DAB1: variants seen among roughly 807,000 people sequenced by gnomAD.
DAB1 encodes the protein DAB adaptor protein 1.
Under a neutral mutation model 64.6 loss-of-function variants are expected in DAB1, and 15 were observed. The observed-to-expected ratio is 0.23, with a 90% CI of 0.16 to 0.36. The LOEUF (loss-of-function observed/expected upper bound fraction) is 0.36. Ranked by LOEUF, DAB1 falls within the 10% of genes least tolerant of loss-of-function variation. The pLI, the probability that DAB1 is intolerant of heterozygous loss-of-function variation, is 1.00. For missense variants in DAB1, 596 were observed against 706.7 expected (o/e 0.84, Z 1.78); for synonymous variants, 235 against 251.9 (o/e 0.93, Z 0.64).
At chr1:57,008,908 C>T (rs1193449538) in intron 14 of DAB1, among the ~76,000 whole-genome samples, 3 of 152,146 alleles carry the variant, frequency 2.0e-5, no homozygotes, top group Non-Finnish European at 1.5e-5. Flanking sequence ...TGAGTTCTTC[C>T]CACACTACTA....
intron 6 of DAB1, among the ~76,000 whole-genome samples, chr1:57,669,385 A>C (rs1178570429): frequency 6.6e-6 from 1 of 152,150 alleles, no homozygotes; most frequent in African/African-American, 2.4e-5. Flanking sequence ...GCTGTCAAAA[A>C]TATATTTTAC....
In DAB1 at chr1:57,204,681, T is replaced by C. The variant is rs538421337; in HGVS notation, c.68-59252A>G. 1.1e-3 allele frequency among the ~76,000 whole-genome samples: 175 copies of C among 152,310 alleles called. 2 individuals are homozygous for C. Among genetic ancestry groups the C allele is most frequent in the African/African-American group, 3.4e-3 (142 of 41,576 alleles). Reference sequence around the variant, plus strand: ...CTTATATGTATGGGGGAAATCATAATAAAGACTTCGTTGGAATTGTGCTGA... The same window carrying C: ...CTTATATGTATGGGGGAAATCATAACAAAGACTTCGTTGGAATTGTGCTGA... On this transcript the variant is annotated intron_variant, in intron 2 of 14. Transcript: ENST00000371236.
At chr1:57,514,511 A>G (rs1644442126) in intron 7 of DAB1, among the ~76,000 whole-genome samples, 1 of 152,184 alleles carries the variant, frequency 6.6e-6, no homozygotes, top group South Asian at 2.1e-4. Context: ...GAAATCAGTG[A>G]CTTTGCCTTT....
chr1:58,303,621 T>C (rs2100465513), intron 4 of DAB1, among the ~76,000 whole-genome samples: 1 of 152,308 alleles, frequency 6.6e-6, no homozygotes, highest in East Asian at 1.9e-4. Flanking sequence ...TCCTATGTCA[T>C]TCCTTTATAA....
chr1:58,032,164 T>C (rs1025255089), intron 5 of DAB1, among the ~76,000 whole-genome samples: 1 of 152,038 alleles, frequency 6.6e-6, no homozygotes, highest in African/African-American at 2.4e-5. Flanking sequence ...TGAGTTGGAA[T>C]CTGCATTTTA....
chr1:57,282,784 T>C (rs1027381091), intron 2 of DAB1, among the ~76,000 whole-genome samples: 1 of 152,226 alleles, frequency 6.6e-6, no homozygotes, highest in Non-Finnish European at 1.5e-5. Flanking sequence ...TCTTTTCTTA[T>C]AATTAAATCC....
intron 4 of DAB1, among the ~76,000 whole-genome samples, chr1:58,339,248 G>C (rs972771016): frequency 7.9e-5 from 12 of 152,108 alleles, no homozygotes; most frequent in African/African-American, 2.7e-4. Flanking sequence ...ATTCATGAAG[G>C]AGATGTTCTA....
intron 2 of DAB1, among the ~76,000 whole-genome samples, chr1:57,251,053 A>T (rs1213571677): frequency 6.6e-6 from 1 of 152,220 alleles, no homozygotes; most frequent in African/African-American, 2.4e-5. Flanking sequence ...AAAGAACAAA[A>T]TGTGGTATTA....
intron 5 of DAB1, among the ~76,000 whole-genome samples, chr1:57,982,781 TG>T (rs1294232543): frequency 1.3e-5 from 2 of 152,252 alleles, no homozygotes; most frequent in Non-Finnish European, 2.9e-5. Context: ...GCTTCAATTC[TG>T]GCCCCTCATC....
chr1:57,681,760 G>T (rs1570732895), intron 6 of DAB1, among the ~76,000 whole-genome samples: 1 of 152,206 alleles, frequency 6.6e-6, no homozygotes, highest in African/African-American at 2.4e-5. Flanking sequence ...AAGTCTGCCT[G>T]CACTGCTGAG....
intron 4 of DAB1, among the ~76,000 whole-genome samples, chr1:58,284,139 A>G (rs1372339320): frequency 6.6e-6 from 1 of 152,240 alleles, no homozygotes; most frequent in Non-Finnish European, 1.5e-5. Flanking sequence ...TTTTCTGACC[A>G]GAGGCTGTTA....
At chr1:57,431,143 C>CAAAAAAAAAAAAAAAAAAA (rs77701798) in intron 7 of DAB1, among the ~76,000 whole-genome samples, 1 of 96,408 alleles carries the variant, frequency 1.0e-5, no homozygotes, top group Non-Finnish European at 2.2e-5. Flanking sequence ...AGGCCAAAAA[C>CAAAAAAAAAAAAAAAAAAA]AAAAAAAAAA....
intron 4 of DAB1, among the ~76,000 whole-genome samples, chr1:57,099,572 G>C (rs1654482108): frequency 6.6e-6 from 1 of 152,148 alleles, no homozygotes; most frequent in Non-Finnish European, 1.5e-5. Flanking sequence ...GTACTTCTGG[G>C]GTTCTAGAAT....
intron 5 of DAB1, among the ~76,000 whole-genome samples, chr1:58,088,999 T>C (rs978443273): frequency 1.3e-5 from 2 of 152,198 alleles, no homozygotes; most frequent in African/African-American, 4.8e-5. Flanking sequence ...TGTGATACCT[T>C]AGCATTCTAG....
At chr1:58,086,025 G>A (rs978358805) in intron 5 of DAB1, among the ~76,000 whole-genome samples, 2 of 141,104 alleles carry the variant, frequency 1.4e-5, no homozygotes, top group Non-Finnish European at 3.0e-5. Flanking sequence ...GTGCAGTGGC[G>A]GGATCTCGGC....
chr1:57,810,757 C>T (rs954820094), intron 6 of DAB1, among the ~76,000 whole-genome samples: 1 of 152,212 alleles, frequency 6.6e-6, no homozygotes, highest in African/African-American at 2.4e-5. Flanking sequence ...ACTGAAGTTG[C>T]CTGCTTACAA....
At chr1:58,087,735 A>G (rs1650406045) in intron 5 of DAB1, among the ~76,000 whole-genome samples, 1 of 82,166 alleles carries the variant, frequency 1.2e-5, no homozygotes, top group African/African-American at 8.5e-5. Flanking sequence ...TGGGAAAAGA[A>G]AAGAAAGATC....
At chr1:58,318,296 C>A (rs1030409086) in intron 4 of DAB1, among the ~76,000 whole-genome samples, 1 of 152,192 alleles carries the variant, frequency 6.6e-6, no homozygotes, top group Non-Finnish European at 1.5e-5. Flanking sequence ...TGAGGCATCA[C>A]TTGTATGTCT....
intron 3 of DAB1, among the ~76,000 whole-genome samples, chr1:58,502,010 G>C (rs1406886600): frequency 6.6e-6 from 1 of 150,846 alleles, no homozygotes. Context: ...AGGGATTTTT[G>C]TCTATTTATT....
Sources: gnomAD v4.1 joint callset for allele counts (sites outside exome capture counted in the v4.1 genomes callset) on GRCh38, gnomAD v4.1.1 for gene constraint, MANE v1.5 for transcripts, NCBI Gene and HGNC (gene_info 2026-07-23, HGNC 2026-07-21) for gene names.